Variants in SDHAF4 observed in about 807,000 individuals in gnomAD.
SDHAF4 encodes the protein succinate dehydrogenase assembly factor 4, mitochondrial.
In SDHAF4, 14 loss-of-function variants were observed where a neutral mutation model predicts 14.3. The observed-to-expected ratio is 0.98, with a 90% CI of 0.65 to 1.53. The LOEUF is 1.53. Ranked by LOEUF, SDHAF4 falls within the 40% of genes most tolerant of loss-of-function variation. The pLI is 0.00. For missense variants in SDHAF4, 141 were observed against 129.3 expected, an observed-to-expected ratio of 1.09 and a Z score of -0.44; for synonymous variants, 63 against 47.3, an observed-to-expected ratio of 1.33 and a Z score of -1.36.
chr6:70,597,015 G>A, the SDHAF4 span: 1 of 152,200 alleles, frequency 6.6e-6, no homozygotes, highest in South Asian at 2.1e-4. Context: ...AATTAGAAGG[G>A]AAAGTAAAAT....
At chr6:70,581,803 T>G (rs1765128221) in intron 2 of SDHAF4, among the ~76,000 whole-genome samples, 1 of 152,110 alleles carries the variant, frequency 6.6e-6, no homozygotes, top group Non-Finnish European at 1.5e-5. Flanking sequence ...AGAGATGAGG[T>G]CTTGCCATGT....
At chr6:70,595,932 G>A in the SDHAF4 span, among the ~76,000 whole-genome samples, 1 of 151,812 alleles carries the variant, frequency 6.6e-6, no homozygotes, top group Non-Finnish European at 1.5e-5. Flanking sequence ...ATCATGATGT[G>A]CAATAGAAAA....
chr6:70,596,772 A>G, the SDHAF4 span: 9 of 152,238 alleles, frequency 5.9e-5, no homozygotes, highest in Non-Finnish European at 1.3e-4. Context: ...GCTGAGATCT[A>G]CAATGTGTCA....
chr6:70,594,546 G>A (rs572484011), downstream of SDHAF4, among the ~76,000 whole-genome samples: 101 of 152,206 alleles, frequency 6.6e-4, no homozygotes, highest in African/African-American at 2.0e-3. Context: ...CTCCACCAGC[G>A]AGACCCCATG....
intron 2 of SDHAF4, 21 bp downstream of exon 2, chr6:70,579,587 C>G (rs756890584): frequency 6.4e-7 from 1 of 1,550,434 alleles, no homozygotes; most frequent in South Asian, 1.3e-5. Context: ...TAAAGCACCT[C>G]TCAGTTTTTG....
At chr6:70,596,000 A>C in the SDHAF4 span, among the ~76,000 whole-genome samples, 5 of 152,244 alleles carry the variant, frequency 3.3e-5, no homozygotes, top group Non-Finnish European at 7.3e-5. Context: ...AAAGTGTTGT[A>C]TTAAGATAAC....
At chr6:70,586,428 C>CTTTTTTTTTTTTT (rs70990316) in intron 2 of SDHAF4, among the ~76,000 whole-genome samples, 1 of 80,306 alleles carries the variant, frequency 1.2e-5, no homozygotes, top group Non-Finnish European at 2.4e-5. Flanking sequence ...ATTTGTTTGC[C>CTTTTTTTTTTTTT]TTTTTTTTTT....
intron 2 of SDHAF4, among the ~76,000 whole-genome samples, chr6:70,580,757 G>A (rs551483892): frequency 6.6e-6 from 1 of 152,072 alleles, no homozygotes; most frequent in Non-Finnish European, 1.5e-5. Context: ...ACTTATATAA[G>A]GTACCTAGAA....
chr6:70,582,026 C>T (rs928347985), intron 2 of SDHAF4, among the ~76,000 whole-genome samples: 1 of 152,122 alleles, frequency 6.6e-6, no homozygotes, highest in Non-Finnish European at 1.5e-5. Context: ...CTGTTCTTAG[C>T]CCCCTAAGTA....
chr6:70,592,805 AAG>A (rs1300893853), downstream of SDHAF4, among the ~76,000 whole-genome samples: 1 of 152,230 alleles, frequency 6.6e-6, no homozygotes, highest in Non-Finnish European at 1.5e-5. Context: ...TAGAGAATGA[AAG>A]AGTTTTTTCA....
chr6:70,597,754 CA>C, the SDHAF4 span, among the ~76,000 whole-genome samples: 1 of 152,082 alleles, frequency 6.6e-6, no homozygotes, highest in Admixed American at 6.6e-5. Context: ...ATTTTATAAT[CA>C]AATGTGTTCT....
intron 1 of SDHAF4, among the ~76,000 whole-genome samples, chr6:70,573,302 C>T (rs1406189067): frequency 2.5e-5 from 3 of 122,122 alleles, no homozygotes; most frequent in Admixed American, 1.8e-4. Context: ...CTCACTCTGT[C>T]GCCCAGGCTG....
chr6:70,569,098 T>C (rs1358642945), intron 1 of SDHAF4, among the ~76,000 whole-genome samples: 2 of 150,480 alleles, frequency 1.3e-5, no homozygotes, highest in Admixed American at 6.6e-5. Flanking sequence ...CCCGTGTAGC[T>C]GGGACTACAG....
In SDHAF4 at chr6:70,588,728, G is replaced by T. The variant is rs199905498; in HGVS notation, c.*4G>T. The T allele has an allele frequency of 6.4e-7, 1 of 1,550,428 alleles. No individual in the cohort carries two copies. The highest frequency in any genetic ancestry group is 1.1e-5 in the South Asian group (1 of 87,186). ...AGGACGCTGTATTGATTTTTAAGTC[G>T]CATATTCTTTAACTTCAATATTGTT... is the stretch of plus-strand genomic sequence containing the variant. On this transcript the variant is annotated 3_prime_UTR_variant, in exon 3 of 3. Coordinates refer to ENST00000370474, the MANE Select transcript of SDHAF4 (RefSeq NM_145267.3).
In SDHAF4 at chr6:70,568,962, C is replaced by CTTTT. The variant is rs5877254; in HGVS notation, c.64+1976_64+1979dup. Among the ~76,000 whole-genome samples the CTTTT allele has an allele frequency of 5.3e-3, 517 of 97,888 alleles. 5 individuals carry two copies. Among genetic ancestry groups the CTTTT allele is most frequent in the Non-Finnish European group, 5.7e-3 (304 of 53,614 alleles). 64.2% of individuals were successfully genotyped at this position (97,888 alleles called of 152,430 possible). ...TTTGTGAAATACCTCTTTCTTTTTT[C>CTTTT]TTTTTTTTTTTTTTTTTTTTTGAGG... is the stretch of plus-strand genomic sequence containing the variant. On this transcript the variant is annotated intron_variant, in intron 1 of 2. Coordinates refer to ENST00000370474, the MANE Select transcript of SDHAF4 (RefSeq NM_145267.3).
chr6:70,587,531 A>G (rs1272121083), intron 2 of SDHAF4, among the ~76,000 whole-genome samples: 1 of 152,124 alleles, frequency 6.6e-6, no homozygotes, highest in East Asian at 1.9e-4. Flanking sequence ...CGCTCTGTCT[A>G]ATAGTTGGTT....
In SDHAF4 at chr6:70,588,476, C is replaced by T. The variant is rs139083086; in HGVS notation, c.218-139C>T. The T allele has an allele frequency of 5.8e-3, 2,391 of 414,448 alleles. 42 individuals carry two copies. Among genetic ancestry groups the T allele is most frequent in the African/African-American group, 0.043 (2,139 of 49,676 alleles). The allele number at this position is 414,448 out of a possible 1,614,324, so 25.7% of individuals were successfully genotyped here. ...CAGAGGTTGCAGTGAGCCCAGATCA[C>T]GCCACTGCAATCCAGCCTGGGCAAC... is the stretch of plus-strand genomic sequence containing the variant. On this transcript the variant is annotated intron_variant, in intron 2 of 2. Transcript: ENST00000370474.
chr6:70,587,359 G>A (rs1365149137), intron 2 of SDHAF4, among the ~76,000 whole-genome samples: 4 of 152,016 alleles, frequency 2.6e-5, no homozygotes, highest in Non-Finnish European at 4.4e-5. Context: ...GCACATAGTG[G>A]TGTGCGCCTG....
At position 70,588,508 on chromosome 6, in the gene SDHAF4, A is replaced by C. The variant is rs567743188; in HGVS notation, c.218-107A>C. 9 of 491,124 alleles carry C rather than the reference A, an allele frequency of 1.8e-5. No homozygotes were observed. The East Asian group carries it at 3.0e-4, about 16-fold the overall frequency. 30.4% of individuals were successfully genotyped at this position (491,124 alleles called of 1,614,324 possible). Reference sequence around the variant, plus strand: ...GCAATCCAGCCTGGGCAACAGAGGGAGACTCTGTCTCAAAAAATAATAAAT... The same window carrying C: ...GCAATCCAGCCTGGGCAACAGAGGGCGACTCTGTCTCAAAAAATAATAAAT... On this transcript the variant is annotated intron_variant, in intron 2 of 2. Transcript: ENST00000370474.
Sources: gnomAD v4.1 joint callset for allele counts (sites outside exome capture counted in the v4.1 genomes callset) on GRCh38, gnomAD v4.1.1 for gene constraint, MANE v1.5 for transcripts, NCBI Gene and HGNC (gene_info 2026-07-23, HGNC 2026-07-21) for gene names.